The following RTN4 variants were observed in gnomAD, a reference collection of about 807,000 sequenced individuals.
The protein encoded by RTN4 is reticulon-4.
In RTN4, 32 loss-of-function variants were observed where a neutral mutation model predicts 90.4. The observed-to-expected ratio is 0.35, with a 90% CI of 0.27 to 0.48. The LOEUF is 0.48. RTN4 is among the 20% of genes least tolerant of loss of function. The pLI is 0.99. For synonymous variants in RTN4, 629 were observed against 552.5 expected, an observed-to-expected ratio of 1.14 and a Z score of -1.94; for missense variants, 1,706 against 1,430.2, an observed-to-expected ratio of 1.19 and a Z score of -3.11.
chr2:55,006,987 C>T (rs961263172), intron 3 of RTN4, among the ~76,000 whole-genome samples: 2 of 152,126 alleles, frequency 1.3e-5, no homozygotes, highest in African/African-American at 2.4e-5. Flanking sequence ...AATTCTTTAT[C>T]ATTAAACCTG....
intron 4 of RTN4, 33 bp from the exon 5 acceptor site, chr2:54,982,686 A>T (rs1678239124): frequency 1.3e-6 from 2 of 1,568,264 alleles, no homozygotes; most frequent in Non-Finnish European, 1.7e-6. Flanking sequence ...ATTGTCACTA[A>T]TTGGAGTGAT....
intron 3 of RTN4, among the ~76,000 whole-genome samples, chr2:55,023,322 T>C (rs1255462531): frequency 6.6e-6 from 1 of 152,180 alleles, no homozygotes. Flanking sequence ...AGGCTCCTAA[T>C]ACAATGCCTT....
Position 55,026,705 on chromosome 2 carries a change from G to C in RTN4, c.1394C>G (p.Ala465Gly). The change falls in exon 3 of 9, where the codon GCT becomes GGT. Residue 465 changes from alanine to glycine, a missense_variant. By Grantham distance (60) the Ala-to-Gly change is moderately conservative. Transcript: ENST00000337526. ...CTCAGTTGCTGCTGGGTTAAAGGGA[G>C]CACATGTGATATATGCTCCTGAACG... ...KDRSGAYITC[A>G]PFNPAATESI... The C allele has an allele frequency of 1.2e-6, 2 of 1,613,866 alleles. No individual in the cohort carries two copies. The highest frequency in any genetic ancestry group is 1.7e-6 in the Non-Finnish European group (2 of 1,179,884).
chr2:55,112,317 C>T (rs956028036), intron 1 of RTN4, among the ~76,000 whole-genome samples: 3 of 152,214 alleles, frequency 2.0e-5, no homozygotes, highest in Non-Finnish European at 2.9e-5. Flanking sequence ...GTAAAATCCT[C>T]ATTTTACAGG....
chr2:55,072,524 C>T (rs542767297), intron 2 of RTN4, among the ~76,000 whole-genome samples: 44 of 152,308 alleles, frequency 2.9e-4, no homozygotes, highest in African/African-American at 9.4e-4. Flanking sequence ...CCACCGCACC[C>T]GGCCCAGTAT....
chr2:55,019,641 C>T (rs1292299852), intron 3 of RTN4, among the ~76,000 whole-genome samples: 26 of 152,070 alleles, frequency 1.7e-4, no homozygotes, highest in Admixed American at 1.6e-3. Context: ...ATTATAAAGT[C>T]GGGGGAAGAG....
intron 3 of RTN4, among the ~76,000 whole-genome samples, chr2:54,997,679 G>A (rs966219857): frequency 2.6e-5 from 4 of 152,108 alleles, no homozygotes; most frequent in African/African-American, 9.7e-5. Context: ...GCCATAAAAC[G>A]AAATGAAGTG....
At chr2:54,991,221 T>G (rs1355499843) in intron 3 of RTN4, among the ~76,000 whole-genome samples, 1 of 152,220 alleles carries the variant, frequency 6.6e-6, no homozygotes, top group African/African-American at 2.4e-5. Context: ...TTTTTTACCA[T>G]CATTAAAAAC....
chr2:54,985,152 C>CTTTT (rs1445725946), intron 4 of RTN4, among the ~76,000 whole-genome samples: 2 of 79,198 alleles, frequency 2.5e-5, no homozygotes, highest in African/African-American at 9.5e-5. Flanking sequence ...TATGACTCGG[C>CTTTT]CTTTTTTTTT....
chr2:54,974,100 A>G, intron 6 of RTN4: 1 of 449,050 alleles, frequency 2.2e-6, no homozygotes, highest in Non-Finnish European at 4.0e-6. Context: ...GCTTCAAATC[A>G]TATCACAGTG....
intron 1 of RTN4, among the ~76,000 whole-genome samples, chr2:55,032,367 A>C (rs1029887154): frequency 2.0e-5 from 3 of 152,124 alleles, no homozygotes; most frequent in African/African-American, 4.8e-5. Context: ...GTGTGAACTA[A>C]CACACCTGGC....
At chr2:55,113,057 A>C (rs918586137), upstream of RTN4, among the ~76,000 whole-genome samples, 3 of 152,216 alleles carry the variant, frequency 2.0e-5, no homozygotes, top group Non-Finnish European at 4.4e-5. Context: ...CCCTGGCCAC[A>C]CTGTGATTCC....
chr2:55,039,826 A>T (rs1212597803), intron 1 of RTN4, among the ~76,000 whole-genome samples: 1 of 152,168 alleles, frequency 6.6e-6, no homozygotes, highest in Non-Finnish European at 1.5e-5. Context: ...GCTTGATACT[A>T]ATTCTATTGT....
chr2:55,091,124 C>G (rs935028798), intron 1 of RTN4, among the ~76,000 whole-genome samples: 1 of 152,224 alleles, frequency 6.6e-6, no homozygotes, highest in Non-Finnish European at 1.5e-5. Flanking sequence ...GTGGCCTTTT[C>G]ACTACCTGGT....
chr2:55,029,009 G>A (rs1474128338), intron 1 of RTN4, among the ~76,000 whole-genome samples: 3 of 152,136 alleles, frequency 2.0e-5, no homozygotes, highest in Non-Finnish European at 4.4e-5. Flanking sequence ...TAAAGTGATA[G>A]TATCTGAAGA....
intron 2 of RTN4, among the ~76,000 whole-genome samples, chr2:55,077,985 C>T (rs1168237900): frequency 2.6e-5 from 4 of 151,234 alleles, no homozygotes; most frequent in South Asian, 2.1e-4. Context: ...AAGAATGATA[C>T]CATGGACGTT....
Position 55,049,800 on chromosome 2 carries a change from G to A in RTN4, c.501C>T (p.Ala167=), listed in dbSNP as rs988331098. 17 of 1,311,248 alleles carry A rather than the reference G, an allele frequency of 1.3e-5. No individual in the cohort carries two copies. The highest frequency in any genetic ancestry group is 1.5e-5 in the Non-Finnish European group (16 of 1,032,804). The allele number at this position is 1,311,248 out of a possible 1,614,324, so 81.2% of individuals were successfully genotyped here. ...GCGCGGCCGGGGTGGAGGGGGGCGCGGCGGGAGCCGGGGCTGGCGGGGTCC... is the reference window on the plus strand; with the variant it reads ...GCGCGGCCGGGGTGGAGGGGGGCGCAGCGGGAGCCGGGGCTGGCGGGGTCC... The part of the protein sequence containing the change: ...PVWTPPAPAP[A]APPSTPAAPK... The change falls in exon 1 of 9, where the codon GCC becomes GCT. Residue 167 remains alanine (A), a synonymous_variant. Transcript: ENST00000337526.
chr2:55,053,748 T>G (rs1187750215), upstream of RTN4, among the ~76,000 whole-genome samples: 1 of 151,978 alleles, frequency 6.6e-6, no homozygotes, highest in Non-Finnish European at 1.5e-5. Flanking sequence ...AGTAGAAGAT[T>G]AAAGTTTTCA....
chr2:55,034,271 TAGG>T (rs1304133289), intron 1 of RTN4, among the ~76,000 whole-genome samples: 1 of 151,964 alleles, frequency 6.6e-6, no homozygotes, highest in African/African-American at 2.4e-5. Context: ...GAGGCTGGGG[TAGG>T]AGGATTGCTT....
Sources: gnomAD v4.1 joint callset for allele counts (sites outside exome capture counted in the v4.1 genomes callset) on GRCh38, gnomAD v4.1.1 for gene constraint, MANE v1.5 for transcripts, NCBI Gene and HGNC (gene_info 2026-07-23, HGNC 2026-07-21) for gene names.